The following LUC7L3 variants were observed in gnomAD, a reference collection of about 807,000 sequenced individuals.
LUC7L3 encodes the protein luc7-like protein 3.
In LUC7L3, 6 loss-of-function variants were observed where a neutral mutation model predicts 66.8. The ratio of observed to expected loss-of-function variants is 0.09; its 90% CI spans 0.05 to 0.18. LUC7L3 has a LOEUF of 0.18. Ranked by LOEUF, LUC7L3 falls within the 10% of genes least tolerant of loss-of-function variation. The pLI, the probability that LUC7L3 is intolerant of heterozygous loss-of-function variation, is 1.00. For missense variants in LUC7L3, 341 were observed against 531.1 expected (o/e 0.64, Z 3.52); for synonymous variants, 160 against 174.7 (o/e 0.92, Z 0.66).
At chr17:50,731,929 C>T (rs1969633532) in intron 1 of LUC7L3, among the ~76,000 whole-genome samples, 1 of 152,060 alleles carries the variant, frequency 6.6e-6, no homozygotes, top group African/African-American at 2.4e-5. Context: ...GCTGAGAGGC[C>T]AAAGAAAGAG....
At chr17:50,737,343 A>C in intron 2 of LUC7L3, 6 of 484,216 alleles carry the variant, frequency 1.2e-5, no homozygotes, top group Non-Finnish European at 2.4e-5. Flanking sequence ...GGAAGATGAC[A>C]AGTGGATGGA....
At position 50,746,524 on chromosome 17, in the gene LUC7L3, TG is replaced by T; in HGVS notation, c.978-16del. 1 of 1,605,182 alleles carries T rather than the reference TG, an allele frequency of 6.2e-7. No homozygotes were observed. Among genetic ancestry groups the T allele is most frequent in the Non-Finnish European group, 8.5e-7 (1 of 1,177,374 alleles). ...TGTAATACTGGCTGAAGTTGCCTTT[TG>T]GTTTTAAATTATTAAGAAGTAGAGA... On this transcript the variant is annotated splice_polypyrimidine_tract_variant and intron_variant, in intron 8 of 9. Transcript: ENST00000505658.
intron 9 of LUC7L3, chr17:50,749,283 C>T (rs1253564347): frequency 7.8e-7 from 1 of 1,289,350 alleles, no homozygotes; most frequent in South Asian, 1.2e-5. Flanking sequence ...GACTCTTCCT[C>T]ATTGAAGCTA....
chr17:50,736,292 A>G (rs780859630), intron 1 of LUC7L3, among the ~76,000 whole-genome samples: 4 of 152,260 alleles, frequency 2.6e-5, no homozygotes, highest in African/African-American at 7.2e-5. Flanking sequence ...AGGAGTTACA[A>G]AAGTACCAGT....
rs184528666 is a variant in LUC7L3 at position 50,723,877 on chromosome 17, G to A, written c.99+4046G>A. On this transcript the variant is annotated intron_variant, in intron 1 of 9. Coordinates refer to ENST00000505658, the MANE Select transcript of LUC7L3 (RefSeq NM_016424.5). The stretch of plus-strand genomic sequence containing the variant: ...CTTGAACTCCTGACCTCAAGTGATC[G>A]GTCCGCCTCAGTCTCCCAAAGTGCT... 5.0e-3 allele frequency: 2,135 copies of A among 423,610 alleles called. 79 individuals are homozygous for A. The Admixed American group carries it at 0.052, about 10-fold the overall frequency. The allele number at this position is 423,610 out of a possible 1,614,324, so 26.2% of individuals were successfully genotyped here.
intron 1 of LUC7L3, among the ~76,000 whole-genome samples, chr17:50,725,787 A>T (rs1209571450): frequency 6.6e-6 from 1 of 152,254 alleles, no homozygotes; most frequent in African/African-American, 2.4e-5. Flanking sequence ...AAATACATAA[A>T]ATAGATGTAT....
At chr17:50,747,597 A>T (rs1283281560) in intron 9 of LUC7L3, among the ~76,000 whole-genome samples, 1 of 152,106 alleles carries the variant, frequency 6.6e-6, no homozygotes, top group Non-Finnish European at 1.5e-5. Context: ...GCTACTATTA[A>T]GGTTTATTAT....
intron 5 of LUC7L3, among the ~76,000 whole-genome samples, chr17:50,742,128 A>T (rs552928849): frequency 6.6e-6 from 1 of 152,254 alleles, no homozygotes; most frequent in East Asian, 1.9e-4. Flanking sequence ...AAGGACAGCA[A>T]ATATGAAAAG....
chr17:50,743,708 T>C lies in LUC7L3; in HGVS notation c.429T>C (p.Ile143=). Residue 143 remains isoleucine, a splice_region_variant and synonymous_variant, in exon 6 of 10, where the codon ATT becomes ATC. Transcript: ENST00000505658. ...TTTTTTTCCCCTACTCTTCTAAGATTGAAGAATTAGGGTCTGAAGGAAAAG... is the reference window on the plus strand; with the variant it reads ...TTTTTTTCCCCTACTCTTCTAAGATCGAAGAATTAGGGTCTGAAGGAAAAG... The part of the protein sequence containing the change: ...TDKIDVLLQQ[I]EELGSEGKVE... The C allele has an allele frequency of 6.3e-7, 1 of 1,594,032 alleles. No homozygotes were observed. Among genetic ancestry groups the C allele is most frequent in the African/African-American group, 1.3e-5 (1 of 74,342 alleles).
In LUC7L3 at chr17:50,751,102, T is replaced by C; in HGVS notation, c.*441T>C. 6.9e-7 allele frequency: 1 copy of C among 1,444,652 alleles called. No individual in the cohort carries two copies. Among genetic ancestry groups the C allele is most frequent in the Non-Finnish European group, 9.0e-7 (1 of 1,107,086 alleles). The allele number at this position is 1,444,652 out of a possible 1,614,324, so 89.5% of individuals were successfully genotyped here. A position where few individuals can be genotyped will look rare whatever the true frequency, so the allele number is the denominator to read the frequency against. Reference sequence around the variant, plus strand: ...GACATATGCTTTAAAAACTTAAATATTTCGGAGGCACATGTTGGACTACTT... The same window carrying C: ...GACATATGCTTTAAAAACTTAAATACTTCGGAGGCACATGTTGGACTACTT... On this transcript the variant is annotated 3_prime_UTR_variant, in exon 10 of 10. Transcript: ENST00000505658.
In LUC7L3 at chr17:50,751,588, A is replaced by C. The variant is rs1180447935; in HGVS notation, c.*927A>C. On this transcript the variant is annotated 3_prime_UTR_variant, in exon 10 of 10. Coordinates refer to ENST00000505658, the MANE Select transcript of LUC7L3 (RefSeq NM_016424.5). ...TGGCCAGAATTAGATATCTTTAAAG[A>C]ATTTTAAATACAATAAACACTTCAT... is the stretch of plus-strand genomic sequence containing the variant. 2 of 1,151,724 alleles carry C rather than the reference A, an allele frequency of 1.7e-6. No individual in the cohort carries two copies. 71.3% of individuals were successfully genotyped at this position (1,151,724 alleles called of 1,614,324 possible). A position where few individuals can be genotyped will look rare whatever the true frequency, so the allele number is the denominator to read the frequency against.
Position 50,751,950 on chromosome 17 carries a change from T to G in LUC7L3, c.*1289T>G. On this transcript the variant is annotated 3_prime_UTR_variant, in exon 10 of 10. Coordinates refer to ENST00000505658, the MANE Select transcript of LUC7L3 (RefSeq NM_016424.5). ...ATGAAAGGAAGTACCAATTAGTTGA[T>G]TTGTTGGTGGCATTCCCCTTTTGGG... The G allele has an allele frequency of 9.7e-7, 1 of 1,031,512 alleles. No individual in the cohort carries two copies. The highest frequency in any genetic ancestry group is 1.2e-6 in the Non-Finnish European group (1 of 857,266). 63.9% of individuals were successfully genotyped at this position (1,031,512 alleles called of 1,614,324 possible).
chr17:50,741,555 C>A, intron 4 of LUC7L3, 102 bp from the exon 5 acceptor site: 4 of 671,588 alleles, frequency 6.0e-6, no homozygotes, highest in Admixed American at 3.1e-5. Context: ...TTCAATTAAG[C>A]ATTTTAATTA....
Position 50,746,554 on chromosome 17 carries a change from A to T in LUC7L3, c.990A>T (p.Arg330=), listed in dbSNP as rs1202796872. Residue 330 remains arginine, a synonymous_variant, in exon 9 of 10, where the codon CGA becomes CGT. Transcript: ENST00000505658. ...RERRRSRSRD[R]RRSRSHDRSE... ...TTAAATTATTAAGAAGTAGAGATCG[A>T]CGAAGAAGCAGAAGCCATGATCGAT... is the stretch of plus-strand genomic sequence containing the variant. 6.2e-7 allele frequency: 1 copy of T among 1,612,782 alleles called. No homozygotes were observed. Among genetic ancestry groups the T allele is most frequent in the South Asian group, 1.1e-5 (1 of 90,734 alleles).
Position 50,755,941 on chromosome 17 carries a change from AAAGC to A in LUC7L3, c.*5284_*5287del, listed in dbSNP as rs1971102133. 2 of 152,274 alleles carry A rather than the reference AAAGC, an allele frequency of 1.3e-5. No individual in the cohort carries two copies. The allele number at this position is 152,274 out of a possible 1,614,324, so 9.4% of individuals were successfully genotyped here. On this transcript the variant is annotated 3_prime_UTR_variant, in exon 10 of 10. Transcript: ENST00000505658. Reference sequence around the variant, plus strand: ...AAACTCAACAATAGAAGGATCAAAAAAAGCAAGTCACAGAAGAATACATCACTAT... The same window carrying A: ...AAACTCAACAATAGAAGGATCAAAAAAAGTCACAGAAGAATACATCACTAT...
In LUC7L3 at chr17:50,745,895, G is replaced by GA. The variant is rs1338458558; in HGVS notation, c.872dup (p.Arg292GlufsTer7). On this transcript the variant is annotated frameshift_variant, in exon 8 of 10. Transcript: ENST00000505658. LOFTEE classifies it high-confidence loss of function. ...GAAAGGGCTCGTGACAGAGAAAGAA[G>GA]AAAGAGAAGTCGTTCACGAAGTAGA... is the stretch of plus-strand genomic sequence containing the variant. 6.2e-7 allele frequency: 1 copy of GA among 1,612,504 alleles called. No homozygotes were observed. The highest frequency in any genetic ancestry group is 1.3e-5 in the African/African-American group (1 of 74,874).
At chr17:50,741,850 C>A in intron 5 of LUC7L3, 119 bp downstream of exon 5, 1 of 684,208 alleles carries the variant, frequency 1.5e-6, no homozygotes, top group South Asian at 2.1e-5. Context: ...TTTGGGAGGC[C>A]GAGGCGGGAG....
Position 50,752,267 on chromosome 17 carries a change from A to T in LUC7L3, c.*1606A>T. On this transcript the variant is annotated 3_prime_UTR_variant, in exon 10 of 10. Transcript: ENST00000505658. Reference sequence around the variant, plus strand: ...TAAAGTGAAGATCGACATTTAAAAAATGAGGTGAAAGAAAGCTATAGTGGC... The same window carrying T: ...TAAAGTGAAGATCGACATTTAAAAATTGAGGTGAAAGAAAGCTATAGTGGC... 1 of 1,262,316 alleles carries T rather than the reference A, an allele frequency of 7.9e-7. No individual in the cohort carries two copies. The highest frequency in any genetic ancestry group is 2.2e-4 in the Middle Eastern group (1 of 4,638). The allele number at this position is 1,262,316 out of a possible 1,614,324, so 78.2% of individuals were successfully genotyped here. A position where few individuals can be genotyped will look rare whatever the true frequency, so the allele number is the denominator to read the frequency against.
chr17:50,749,260 G>A (rs568681938), intron 9 of LUC7L3: 6 of 1,288,730 alleles, frequency 4.7e-6, no homozygotes, highest in South Asian at 3.7e-5. Context: ...AGTCCTCTAC[G>A]GGACAACAAG....
Sources: allele counts gnomAD v4.1 joint callset (sites outside exome capture counted in the v4.1 genomes callset), GRCh38; gene constraint gnomAD v4.1.1; transcripts MANE v1.5; gene names NCBI Gene and HGNC (gene_info 2026-07-23, HGNC 2026-07-21).